SCUBE1: variants seen among roughly 807,000 people sequenced by gnomAD.
The protein encoded by SCUBE1 is signal peptide, CUB domain and EGF like domain containing 1, also known as signal peptide, CUB and EGF-like domain-containing protein 1.
In SCUBE1, 59 loss-of-function variants were observed where a neutral mutation model predicts 124.4. The ratio of observed to expected loss-of-function variants is 0.47; its 90% CI spans 0.38 to 0.59. SCUBE1 has a LOEUF of 0.59. Ranked by LOEUF, SCUBE1 falls within the 20% of genes least tolerant of loss-of-function variation. The probability of loss-of-function intolerance (pLI) is 0.00; values close to 1 mark genes in which losing one functional copy is unlikely to be tolerated. For synonymous variants in SCUBE1, 545 were observed against 550.9 expected (o/e 0.99, Z 0.15); for missense variants, 1,150 against 1,371.2 (o/e 0.84, Z 2.55).
At chr22:43,248,440 C>T (rs569152478) in intron 6 of SCUBE1, among the ~76,000 whole-genome samples, 2 of 152,382 alleles carry the variant, frequency 1.3e-5, no homozygotes, top group African/African-American at 4.8e-5. Flanking sequence ...GCCCTCCGCA[C>T]AGCGGAGTCG....
intron 19 of SCUBE1, 45 bp from the exon 20 acceptor site, chr22:43,208,269 C>T: frequency 6.2e-7 from 1 of 1,605,744 alleles, no homozygotes; most frequent in Non-Finnish European, 8.5e-7. Context: ...GTAGGCAGCT[C>T]CTCCTGCCCT....
chr22:43,201,228 C>G lies in SCUBE1; in HGVS notation c.*2769G>C, dbSNP rs1466393045. 7.8e-6 allele frequency: 1 copy of G among 128,778 alleles called. No homozygotes were observed. Among genetic ancestry groups the G allele is most frequent in the African/African-American group, 2.9e-5 (1 of 34,434 alleles). 8.0% of individuals were successfully genotyped at this position (128,778 alleles called of 1,614,324 possible). A position where few individuals can be genotyped will look rare whatever the true frequency, so the allele number is the denominator to read the frequency against. On this transcript the variant is annotated 3_prime_UTR_variant, in exon 22 of 22. Coordinates refer to ENST00000360835, the MANE Select transcript of SCUBE1 (RefSeq NM_173050.5). Reference sequence around the variant, plus strand: ...CTGAGGCAGGAGAATGGCGTGAACCCGGGAGGCGGAGCTTGCAGTGAACCA... The same window carrying G: ...CTGAGGCAGGAGAATGGCGTGAACCGGGGAGGCGGAGCTTGCAGTGAACCA...
In SCUBE1 at chr22:43,211,186, T is replaced by C. The variant is rs1921536641; in HGVS notation, c.2222-103A>G. ...ACCTCTCATGCCCTCGAGGTCTGTT[T>C]TGGCACAGAGTTCAAGGCTCCTCCC... On this transcript the variant is annotated intron_variant, in intron 17 of 21. Transcript: ENST00000360835. The surrounding 1 kb of genome is among the most constrained non-coding windows in gnomAD (Gnocchi z 4.5). The C allele has an allele frequency of 7.9e-7, 1 of 1,259,458 alleles. No individual in the cohort carries two copies. The highest frequency in any genetic ancestry group is 1.5e-5 in the African/African-American group (1 of 67,522). 78.0% of individuals were successfully genotyped at this position (1,259,458 alleles called of 1,614,324 possible).
At chr22:43,336,337 C>T (rs887223498) in intron 2 of SCUBE1, among the ~76,000 whole-genome samples, 3 of 152,158 alleles carry the variant, frequency 2.0e-5, no homozygotes, top group Non-Finnish European at 4.4e-5. Context: ...AGGGCCAGAA[C>T]GAGCCCTTCC....
intron 8 of SCUBE1, among the ~76,000 whole-genome samples, chr22:43,229,904 TG>T (rs145211029): frequency 0.12 from 18,477 of 152,248 alleles, 1,239 homozygotes; most frequent in African/African-American, 0.18. Context: ...GGACAGTTGA[TG>T]GGGACCCCTG....
rs733181 is a variant in SCUBE1, at chr22:43,258,460, G to C, written c.611-125C>G. 1.4e-6 allele frequency: 1 copy of C among 734,168 alleles called. No individual in the cohort carries two copies. The highest frequency in any genetic ancestry group is 1.7e-5 in the African/African-American group (1 of 58,064). 45.5% of individuals were successfully genotyped at this position (734,168 alleles called of 1,614,324 possible). ...AGGCCTAAGGGCATCAGTGGGTAGG[G>C]TCATGAGGCTCGCCGGGCAACGGGG... On this transcript the variant is annotated intron_variant, in intron 5 of 21. Transcript: ENST00000360835. The surrounding 1 kb of genome is among the most constrained non-coding windows in gnomAD (Gnocchi z 5.0).
intron 3 of SCUBE1, among the ~76,000 whole-genome samples, chr22:43,303,880 AT>A (rs1285280358): frequency 2.0e-5 from 3 of 152,170 alleles, no homozygotes; most frequent in Non-Finnish European, 2.9e-5. Flanking sequence ...CCTAAATGTA[AT>A]GAGTTGATCT....
chr22:43,292,504 A>G (rs1337324769), intron 3 of SCUBE1, among the ~76,000 whole-genome samples: 1 of 150,486 alleles, frequency 6.6e-6, no homozygotes, highest in Non-Finnish European at 1.5e-5. Flanking sequence ...AATATATAAA[A>G]CCACAAAGGC....
chr22:43,279,282 C>T (rs1013833742), intron 4 of SCUBE1, among the ~76,000 whole-genome samples: 24 of 152,228 alleles, frequency 1.6e-4, no homozygotes, highest in African/African-American at 5.3e-4. Context: ...ACAGGGGGCT[C>T]AGGCCCCAGA....
intron 16 of SCUBE1, among the ~76,000 whole-genome samples, 155 bp downstream of exon 16, chr22:43,213,935 C>T (rs1326686478): frequency 6.6e-6 from 1 of 152,132 alleles, no homozygotes; most frequent in Non-Finnish European, 1.5e-5. Flanking sequence ...GCACAGACAT[C>T]GTGAAGGGTT....
intron 3 of SCUBE1, among the ~76,000 whole-genome samples, chr22:43,305,064 G>A (rs973246658): frequency 6.6e-6 from 1 of 152,160 alleles, no homozygotes; most frequent in African/African-American, 2.4e-5. Context: ...CCCACTGCCC[G>A]CACTGTCCCG....
chr22:43,341,899 G>A (rs1927328671), intron 1 of SCUBE1, among the ~76,000 whole-genome samples: 1 of 152,060 alleles, frequency 6.6e-6, no homozygotes, highest in African/African-American at 2.4e-5. Context: ...GGACACAGGT[G>A]GGGATAGGCA....
At position 43,198,657 on chromosome 22, in the gene SCUBE1, G is replaced by A. The variant is rs776085658; in HGVS notation, c.*5340C>T. ...ATCTTTGGTGAAAAGGGACCTCAAT[G>A]TCAGGTGCAGTTTGCCAGGGTGACC... On this transcript the variant is annotated 3_prime_UTR_variant, in exon 22 of 22. Transcript: ENST00000360835. The A allele has an allele frequency of 1.8e-5, 8 of 456,724 alleles. No homozygotes were observed. Among genetic ancestry groups the A allele is most frequent in the South Asian group, 1.1e-4 (7 of 64,570 alleles). The allele number at this position is 456,724 out of a possible 1,614,324, so 28.3% of individuals were successfully genotyped here.
At chr22:43,216,253 G>T (rs1385454505) in intron 15 of SCUBE1, among the ~76,000 whole-genome samples, 1 of 151,090 alleles carries the variant, frequency 6.6e-6, no homozygotes, top group Non-Finnish European at 1.5e-5. Flanking sequence ...CACCATGTTG[G>T]CCAGGCTGGT....
intron 4 of SCUBE1, among the ~76,000 whole-genome samples, chr22:43,288,845 C>A (rs916823346): frequency 6.6e-6 from 1 of 152,254 alleles, no homozygotes; most frequent in Non-Finnish European, 1.5e-5. Context: ...TGCTCAGGCC[C>A]GTGCCTGGCT....
At chr22:43,256,435 C>T (rs960453736) in intron 6 of SCUBE1, among the ~76,000 whole-genome samples, 1 of 152,010 alleles carries the variant, frequency 6.6e-6, no homozygotes, top group African/African-American at 2.4e-5. Flanking sequence ...CCAAGGGGGA[C>T]ACAGATGAAC....
In SCUBE1 at chr22:43,339,166, G is replaced by A. The variant is rs369633642; in HGVS notation, c.158C>T (p.Thr53Met). The part of the protein sequence containing the change: ...DCHIDAICQN[T>M]PKSYKCLCKP... ...GCAGAGGCATTTGTAGGACTTGGGCGTGTTCTGACAGATGGCATCGATGTG... is the reference window on the plus strand; with the variant it reads ...GCAGAGGCATTTGTAGGACTTGGGCATGTTCTGACAGATGGCATCGATGTG... Residue 53 changes from threonine to methionine, a missense_variant, in exon 2 of 22, where the codon ACG (threonine) becomes ATG (methionine). By Grantham distance (81) the Thr-to-Met change is moderately conservative. Transcript: ENST00000360835. The A allele has an allele frequency of 7.6e-5, 123 of 1,613,914 alleles. No homozygotes were observed. The highest frequency in any genetic ancestry group is 1.7e-4 in the Middle Eastern group (1 of 6,058).
At chr22:43,327,587 G>C (rs753337424) in intron 2 of SCUBE1, among the ~76,000 whole-genome samples, 2 of 152,116 alleles carry the variant, frequency 1.3e-5, no homozygotes, top group Admixed American at 1.3e-4. Flanking sequence ...AGGAGTTCGA[G>C]ACCAGCCTGG....
At chr22:43,303,965 C>A (rs1290766770) in intron 3 of SCUBE1, among the ~76,000 whole-genome samples, 1 of 152,234 alleles carries the variant, frequency 6.6e-6, no homozygotes, top group Admixed American at 6.5e-5. Context: ...TTCTGACTCG[C>A]TGCTTTGTGC....
Sources: allele counts gnomAD v4.1 joint callset (sites outside exome capture counted in the v4.1 genomes callset), GRCh38; gene constraint gnomAD v4.1.1; non-coding constraint Gnocchi (gnomAD v3.1); transcripts MANE v1.5; gene names NCBI Gene and HGNC (gene_info 2026-07-23, HGNC 2026-07-21).